Variants in TRPM8 observed in about 807,000 individuals in gnomAD.
TRPM8 encodes TRPM8 cationic channel.
TRPM8 carries 110 observed loss-of-function variants against 133.7 expected under a neutral mutation model. That is an observed-to-expected ratio of 0.82 (90% CI 0.70 to 0.96). The LOEUF (loss-of-function observed/expected upper bound fraction) is 0.96, where lower values mean the gene tolerates loss of function less well. Ranked by LOEUF, TRPM8 falls within the 40% of genes least tolerant of loss-of-function variation. The pLI is 0.00. For synonymous variants in TRPM8, 535 were observed against 532.3 expected (o/e 1.01, Z -0.07); for missense variants, 1,291 against 1,379.5 (o/e 0.94, Z 1.02).
chr2:233,927,900 TTCTTTCTTTC>T (rs1236499922), intron 2 of TRPM8, among the ~76,000 whole-genome samples: 3 of 69,952 alleles, frequency 4.3e-5, no homozygotes, highest in African/African-American at 3.2e-4. Flanking sequence ...CTTTCTTTCT[TTCTTTCTTTC>T]TCTCTCTCTC....
At chr2:233,968,988 G>A (rs931725932) in intron 15 of TRPM8, among the ~76,000 whole-genome samples, 2 of 151,994 alleles carry the variant, frequency 1.3e-5, no homozygotes, top group African/African-American at 2.4e-5. Flanking sequence ...GAAATGAATC[G>A]TTGGGGACCC....
At chr2:234,008,014 C>T in intron 23 of TRPM8, 56 bp from the exon 24 acceptor site, 3 of 1,534,196 alleles carry the variant, frequency 2.0e-6, no homozygotes, top group South Asian at 1.2e-5. Context: ...GCCTAATAGC[C>T]CTCTCTCAAT....
intron 22 of TRPM8, among the ~76,000 whole-genome samples, chr2:234,005,520 T>G (rs751002436): frequency 1.6e-4 from 24 of 152,200 alleles, no homozygotes; most frequent in Non-Finnish European, 3.1e-4. Flanking sequence ...TGAAACTTCT[T>G]TGTTGGGAAA....
At chr2:233,946,699 C>T (rs1691050671) in intron 7 of TRPM8, among the ~76,000 whole-genome samples, 1 of 152,184 alleles carries the variant, frequency 6.6e-6, no homozygotes, top group Admixed American at 6.5e-5. Flanking sequence ...ACTATATATG[C>T]AATAAACTGT....
chr2:233,943,130 T>A (rs1264668348), intron 6 of TRPM8: 3 of 350,504 alleles, frequency 8.6e-6, no homozygotes, highest in Non-Finnish European at 1.0e-5. Context: ...ATTATTATAC[T>A]TTAAGTTTTA....
intron 8 of TRPM8, among the ~76,000 whole-genome samples, chr2:233,949,293 C>A (rs192610528): frequency 6.6e-6 from 1 of 152,248 alleles, no homozygotes; most frequent in Non-Finnish European, 1.5e-5. Flanking sequence ...TTTTTTTGTA[C>A]CTCCAGGTAG....
intron 22 of TRPM8, among the ~76,000 whole-genome samples, chr2:233,999,219 G>A (rs1692486899): frequency 6.6e-6 from 1 of 152,076 alleles, no homozygotes; most frequent in Non-Finnish European, 1.5e-5. Context: ...TCCAGTGATT[G>A]GAAGCTGGAC....
At chr2:234,015,696 A>G (rs554691443) in intron 25 of TRPM8, among the ~76,000 whole-genome samples, 8 of 152,380 alleles carry the variant, frequency 5.3e-5, no homozygotes, top group African/African-American at 1.9e-4. Context: ...GGGCTTTGTT[A>G]GAGCAAGACT....
intron 10 of TRPM8, among the ~76,000 whole-genome samples, chr2:233,954,260 A>C (rs1691238123): frequency 6.6e-6 from 1 of 152,248 alleles, no homozygotes; most frequent in Non-Finnish European, 1.5e-5. Flanking sequence ...ACAAAATCGC[A>C]GTAGTCTCCA....
At chr2:233,971,964 C>T (rs1238445494) in intron 17 of TRPM8, among the ~76,000 whole-genome samples, 2 of 152,074 alleles carry the variant, frequency 1.3e-5, no homozygotes, top group African/African-American at 2.4e-5. Context: ...CTGATTGGTG[C>T]GTTTACAATC....
chr2:233,947,477 A>G (rs539659696), intron 8 of TRPM8: 1 of 1,343,010 alleles, frequency 7.4e-7, no homozygotes, highest in Admixed American at 2.2e-5. Flanking sequence ...GCTATGGCCA[A>G]CCTATCTGCA....
At chr2:233,962,012 TG>T (rs1691451574) in intron 12 of TRPM8, among the ~76,000 whole-genome samples, 1 of 152,228 alleles carries the variant, frequency 6.6e-6, no homozygotes, top group African/African-American at 2.4e-5. Context: ...AATAGCTGCA[TG>T]CTCCTGTCAT....
intron 17 of TRPM8, among the ~76,000 whole-genome samples, chr2:233,976,272 C>G (rs561607546): frequency 3.9e-5 from 6 of 152,300 alleles, no homozygotes; most frequent in African/African-American, 1.2e-4. Flanking sequence ...AGAGGACTTG[C>G]AACAGTAAAA....
At chr2:233,963,057 C>G (rs1487238596) in intron 12 of TRPM8, among the ~76,000 whole-genome samples, 1 of 152,120 alleles carries the variant, frequency 6.6e-6, no homozygotes, top group Non-Finnish European at 1.5e-5. Flanking sequence ...ACCCTTTATA[C>G]CTTTTCATCT....
At chr2:233,948,023 A>G (rs1185360878) in intron 8 of TRPM8, among the ~76,000 whole-genome samples, 1 of 152,202 alleles carries the variant, frequency 6.6e-6, no homozygotes, top group East Asian at 1.9e-4. Flanking sequence ...ACATTACAAG[A>G]AAGTCATTTT....
At chr2:233,946,581 T>A (rs1691048445) in intron 7 of TRPM8, among the ~76,000 whole-genome samples, 1 of 152,206 alleles carries the variant, frequency 6.6e-6, no homozygotes, top group Non-Finnish European at 1.5e-5. Context: ...TGTGTCCTGC[T>A]GTGGAACAAG....
chr2:233,925,607 G>A (rs368792679), intron 1 of TRPM8, among the ~76,000 whole-genome samples: 54 of 152,274 alleles, frequency 3.5e-4, no homozygotes, highest in East Asian at 2.7e-3. Context: ...AGGGCCGAGC[G>A]CAGAGACAAC....
chr2:233,983,392 C>T, intron 20 of TRPM8, 168 bp downstream of exon 20: 1 of 698,952 alleles, frequency 1.4e-6, no homozygotes, highest in Non-Finnish European at 2.5e-6. Context: ...TGCTCTTAAG[C>T]AAGATTTTAC....
chr2:233,987,390 A>C (rs985736503), intron 21 of TRPM8, among the ~76,000 whole-genome samples: 1 of 152,260 alleles, frequency 6.6e-6, no homozygotes, highest in African/African-American at 2.4e-5. Context: ...TTACATTCAT[A>C]ATTTAGAAAA....
Sources: allele counts gnomAD v4.1 joint callset (sites outside exome capture counted in the v4.1 genomes callset), GRCh38; gene constraint gnomAD v4.1.1; transcripts MANE v1.5; gene names NCBI Gene and HGNC (gene_info 2026-07-23, HGNC 2026-07-21).